PTK2: variants seen among roughly 807,000 people sequenced by gnomAD.
The protein encoded by PTK2 is protein tyrosine kinase 2, also known as focal adhesion kinase 1.
Under a neutral mutation model 150.1 loss-of-function variants are expected in PTK2, and 45 were observed. The observed-to-expected ratio is 0.30, with a 90% CI of 0.24 to 0.38. The LOEUF (loss-of-function observed/expected upper bound fraction) is 0.38. PTK2 is among the 10% of genes least tolerant of loss of function. PTK2 has a pLI of 1.00. For synonymous variants in PTK2, 432 were observed against 449.2 expected (o/e 0.96, Z 0.48); for missense variants, 919 against 1,307.3 (o/e 0.70, Z 4.58).
At chr8:140,929,891 C>T (rs2100171107) in intron 1 of PTK2, among the ~76,000 whole-genome samples, 1 of 152,122 alleles carries the variant, frequency 6.6e-6, no homozygotes, top group South Asian at 2.1e-4. Context: ...ATAACAAAGG[C>T]TCCATGTCAC....
In PTK2 at chr8:140,735,561, T is replaced by C. The variant is rs1318263916; in HGVS notation, c.1826-106A>G. ...AGGCACTCGAGTACCAGCTGGGAGG[T>C]AATGGGCAAATTATCTACCAAAGCA... On this transcript the variant is annotated intron_variant, in intron 21 of 31. Transcript: ENST00000522684. The C allele has an allele frequency of 5.8e-6, 6 of 1,035,076 alleles. No homozygotes were observed. In the East Asian group the frequency reaches 1.2e-4, roughly 21 times the overall value. 64.1% of individuals were successfully genotyped at this position (1,035,076 alleles called of 1,614,324 possible).
At chr8:140,660,087 C>T (rs2077267912) in intron 31 of PTK2, among the ~76,000 whole-genome samples, 1 of 152,062 alleles carries the variant, frequency 6.6e-6, no homozygotes, top group Admixed American at 6.6e-5. Context: ...CATGCCGATT[C>T]ACACATGCAG....
chr8:140,898,061 T>A (rs2100157007), intron 2 of PTK2, among the ~76,000 whole-genome samples: 3 of 152,256 alleles, frequency 2.0e-5, no homozygotes, highest in Admixed American at 2.0e-4. Context: ...ACTTTTCAAA[T>A]CATCTGTGAT....
intron 3 of PTK2, among the ~76,000 whole-genome samples, chr8:140,888,248 A>T (rs2154607314): frequency 1.3e-5 from 2 of 152,300 alleles, no homozygotes; most frequent in South Asian, 4.1e-4. Context: ...CCCTTTGTTC[A>T]GATGTACAAA....
At chr8:140,971,272 GTAT>G (rs1258266361) in intron 1 of PTK2, among the ~76,000 whole-genome samples, 1 of 152,216 alleles carries the variant, frequency 6.6e-6, no homozygotes, top group Non-Finnish European at 1.5e-5. Flanking sequence ...AATTATGAAA[GTAT>G]TATGGTTATT....
intron 1 of PTK2, among the ~76,000 whole-genome samples, chr8:140,979,721 T>G (rs940381227): frequency 5.3e-5 from 8 of 152,126 alleles, no homozygotes; most frequent in Admixed American, 4.6e-4. Context: ...GCGGGCTCTT[T>G]CCCGTGATGT....
intron 26 of PTK2, among the ~76,000 whole-genome samples, chr8:140,697,136 GGAAAAAAAAAA>G (rs1323909641): frequency 6.9e-5 from 3 of 43,326 alleles, no homozygotes; most frequent in African/African-American, 8.9e-5. Context: ...CCTGTTTCCG[GGAAAAAAAAAA>G]AAAAAAAAAA....
At chr8:140,853,090 T>C (rs1241547073) in intron 5 of PTK2, among the ~76,000 whole-genome samples, 1 of 152,138 alleles carries the variant, frequency 6.6e-6, no homozygotes, top group Non-Finnish European at 1.5e-5. Flanking sequence ...GTCAGTCACG[T>C]AGGCGTTGTA....
chr8:140,839,179 G>C (rs571688122), intron 7 of PTK2, among the ~76,000 whole-genome samples: 1 of 152,278 alleles, frequency 6.6e-6, no homozygotes, highest in South Asian at 2.1e-4. Flanking sequence ...AAGGGAAACT[G>C]TTTTTGGGTT....
rs537842755 is a variant in PTK2, at chr8:140,693,557, T to C, written c.2500-6863A>G. Among the ~76,000 whole-genome samples the C allele has an allele frequency of 8.8e-3, 958 of 109,036 alleles. 14 individuals carry two copies. The highest frequency in any genetic ancestry group is 0.014 in the Non-Finnish European group (810 of 59,572). The allele number at this position is 109,036 out of a possible 152,430, so 71.5% of individuals were successfully genotyped here. ...GCCAGGGCCACAGAGTGAGACTTTG[T>C]CTCAATTAAAAAAAAAAAAAAAAAA... On this transcript the variant is annotated intron_variant, in intron 26 of 31. Coordinates refer to ENST00000522684, the Ensembl canonical transcript of PTK2.
intron 1 of PTK2, among the ~76,000 whole-genome samples, chr8:140,987,139 T>C (rs1241411098): frequency 6.6e-6 from 1 of 152,080 alleles, no homozygotes; most frequent in African/African-American, 2.4e-5. Context: ...CCAGAACATA[T>C]AGAGAACTCT....
intron 26 of PTK2, among the ~76,000 whole-genome samples, chr8:140,689,951 T>TA (rs527815523): frequency 6.6e-6 from 1 of 152,286 alleles, no homozygotes; most frequent in Admixed American, 6.5e-5. Flanking sequence ...TATTTTCATT[T>TA]TTTATTTATT....
At chr8:140,867,062 G>C (rs1211698181) in intron 4 of PTK2, among the ~76,000 whole-genome samples, 1 of 152,150 alleles carries the variant, frequency 6.6e-6, no homozygotes, top group Non-Finnish European at 1.5e-5. Flanking sequence ...AGTGTAGCTG[G>C]GGCAGGCTGC....
rs1564577826 is a variant in PTK2 at position 140,697,136 on chromosome 8, G to GAAAAA, written c.2499+3754_2499+3755insTTTTT. 3.9e-4 allele frequency among the ~76,000 whole-genome samples: 17 copies of GAAAAA among 43,334 alleles called. 1 individual carries two copies. The highest frequency in any genetic ancestry group is 4.5e-4 in the Non-Finnish European group (11 of 24,504). 28.4% of individuals were successfully genotyped at this position (43,334 alleles called of 152,430 possible). ...GTGACAGTGTGAGACCCTGTTTCCG[G>GAAAAA]GAAAAAAAAAAAAAAAAAAAAAAAA... On this transcript the variant is annotated intron_variant, in intron 26 of 31. Coordinates refer to ENST00000522684, the Ensembl canonical transcript of PTK2.
At chr8:140,759,875 G>C (rs1284554484) in intron 16 of PTK2, among the ~76,000 whole-genome samples, 1 of 150,204 alleles carries the variant, frequency 6.7e-6, no homozygotes, top group Non-Finnish European at 1.5e-5. Flanking sequence ...ACAAACAATA[G>C]TTACCATATG....
chr8:140,764,920 T>C (rs6982523), intron 14 of PTK2: 5,720 of 152,258 alleles, frequency 0.038, 284 homozygotes, highest in African/African-American at 0.11. Flanking sequence ...AGCAGCATAT[T>C]ACAATGAGGT....
intron 2 of PTK2, among the ~76,000 whole-genome samples, chr8:140,900,505 A>AG (rs2100158005): frequency 6.6e-6 from 1 of 152,036 alleles, no homozygotes; most frequent in Admixed American, 6.6e-5. Flanking sequence ...GCGTATCACT[A>AG]GAGGCCAGGA....
chr8:140,977,571 G>C (rs1169365081), intron 1 of PTK2, among the ~76,000 whole-genome samples: 1 of 150,336 alleles, frequency 6.7e-6, no homozygotes, highest in African/African-American at 2.5e-5. Flanking sequence ...GCAGTGAGAC[G>C]AGACAGCACC....
At chr8:140,789,612 G>T in intron 13 of PTK2, 86 bp from the exon 14 acceptor site, 2 of 1,289,682 alleles carry the variant, frequency 1.6e-6, no homozygotes, top group Non-Finnish European at 2.2e-6. Flanking sequence ...AACTGCCTTG[G>T]ATGAGGAAGA....
Sources: allele counts gnomAD v4.1 joint callset (sites outside exome capture counted in the v4.1 genomes callset), GRCh38; gene constraint gnomAD v4.1.1; transcripts MANE v1.5; gene names NCBI Gene and HGNC (gene_info 2026-07-23, HGNC 2026-07-21).